Variants in PDE7B observed in about 807,000 individuals in gnomAD.
PDE7B encodes 3',5'-cyclic-AMP phosphodiesterase 7B.
PDE7B carries 29 observed loss-of-function variants against 56.2 expected under a neutral mutation model. The observed-to-expected ratio is 0.52, with a 90% confidence interval of 0.38 to 0.70. The LOEUF is 0.70. Among genes scored for constraint, PDE7B ranks in the 30% least tolerant of loss-of-function variants. The pLI is 0.00. For missense variants in PDE7B, 490 were observed against 565.0 expected (o/e 0.87, Z 1.35); for synonymous variants, 197 against 196.9 (o/e 1.00, Z 0.00).
At chr6:135,922,230 C>A (rs114502006) in intron 1 of PDE7B, among the ~76,000 whole-genome samples, 1 of 152,162 alleles carries the variant, frequency 6.6e-6, no homozygotes, top group African/African-American at 2.4e-5. Context: ...AAACACAAGC[C>A]CAGAGTGGCA....
intron 3 of PDE7B, among the ~76,000 whole-genome samples, chr6:136,143,561 G>C (rs1484967310): frequency 6.6e-6 from 1 of 151,810 alleles, no homozygotes; most frequent in East Asian, 1.9e-4. Flanking sequence ...GATCCAAAGA[G>C]GTCTGCATTC....
At position 136,181,188 on chromosome 6, in the gene PDE7B, C is replaced by G. The variant is rs369516075; in HGVS notation, c.949-39C>G. On this transcript the variant is annotated intron_variant, in intron 10 of 12. Transcript: ENST00000308191. ...TGGGGTGCTTTTGCAACTGAAAGAACATCCTCTCACAATTTCTCCCCGCCC... is the reference window on the plus strand; with the variant it reads ...TGGGGTGCTTTTGCAACTGAAAGAAGATCCTCTCACAATTTCTCCCCGCCC... 2.0e-6 allele frequency: 3 copies of G among 1,465,080 alleles called. No individual in the cohort carries two copies. The East Asian group carries it at 6.8e-5, about 33-fold the overall frequency. 90.8% of individuals were successfully genotyped at this position (1,465,080 alleles called of 1,614,324 possible). A position where few individuals can be genotyped will look rare whatever the true frequency, so the allele number is the denominator to read the frequency against.
intron 2 of PDE7B, among the ~76,000 whole-genome samples, chr6:135,986,942 G>A (rs1353758459): frequency 1.3e-5 from 2 of 152,170 alleles, no homozygotes; most frequent in African/African-American, 4.8e-5. Context: ...CCTGATTGTT[G>A]TTTGTACATT....
chr6:136,045,418 T>C, intron 2 of PDE7B, among the ~76,000 whole-genome samples: 1 of 152,216 alleles, frequency 6.6e-6, no homozygotes, highest in East Asian at 1.9e-4. Flanking sequence ...CCCCTTCTTC[T>C]AAGCACTTCT....
At chr6:136,132,933 C>T (rs566618538) in intron 3 of PDE7B, among the ~76,000 whole-genome samples, 6 of 152,192 alleles carry the variant, frequency 3.9e-5, no homozygotes, top group African/African-American at 9.6e-5. Flanking sequence ...CATAGAGCGC[C>T]GTGGGCACTA....
chr6:135,945,739 T>C (rs1381451042), intron 1 of PDE7B, among the ~76,000 whole-genome samples: 1 of 152,178 alleles, frequency 6.6e-6, no homozygotes, highest in Non-Finnish European at 1.5e-5. Context: ...TGAGTGAATG[T>C]AGCTCATCTT....
At chr6:136,016,876 T>C (rs1775986704) in intron 2 of PDE7B, among the ~76,000 whole-genome samples, 3 of 152,382 alleles carry the variant, frequency 2.0e-5, no homozygotes, top group Middle Eastern at 3.4e-3. Context: ...CCTATTTATT[T>C]ACAAGAATAA....
intron 1 of PDE7B, among the ~76,000 whole-genome samples, chr6:135,908,611 G>T (rs750937218): frequency 2.6e-5 from 4 of 152,120 alleles, no homozygotes; most frequent in Non-Finnish European, 4.4e-5. Context: ...TAAGTACATT[G>T]TATTATATTC....
At chr6:136,166,736 C>T in intron 8 of PDE7B, among the ~76,000 whole-genome samples, 1 of 152,140 alleles carries the variant, frequency 6.6e-6, no homozygotes, top group African/African-American at 2.4e-5. Context: ...TACAATTGAA[C>T]ATGAGATTTG....
At chr6:136,059,987 C>G (rs1479271823) in intron 2 of PDE7B, among the ~76,000 whole-genome samples, 1 of 152,090 alleles carries the variant, frequency 6.6e-6, no homozygotes, top group Non-Finnish European at 1.5e-5. Context: ...GAATTTTCAA[C>G]CCAGTTTGGA....
At chr6:135,915,847 G>GCTGAGATATTTCTCAGC (rs1773919855) in intron 1 of PDE7B, among the ~76,000 whole-genome samples, 1 of 152,182 alleles carries the variant, frequency 6.6e-6, no homozygotes, top group Non-Finnish European at 1.5e-5. Context: ...GCCTGATATA[G>GCTGAGATATTTCTCAGC]TCTGATGGTC....
intron 1 of PDE7B, among the ~76,000 whole-genome samples, chr6:135,932,094 A>G (rs1774304642): frequency 6.6e-6 from 1 of 152,120 alleles, no homozygotes; most frequent in East Asian, 1.9e-4. Context: ...AAAAAAATGT[A>G]AAGTAGAAAG....
rs552651640 is a variant in PDE7B, at chr6:136,013,003, G to A, written c.82+65479G>A. Among the ~76,000 whole-genome samples, 20 of 152,206 alleles carry A rather than the reference G, an allele frequency of 1.3e-4. No homozygotes were observed. In the South Asian group the frequency reaches 2.9e-3, roughly 22 times the overall value. ...ATCCAATATAACAAGACCACCAGAC[G>A]AAAGCTAATGGTTTACAGATGCAGG... On this transcript the variant is annotated intron_variant, in intron 2 of 12. Coordinates refer to ENST00000308191, the MANE Select transcript of PDE7B (RefSeq NM_018945.4).
chr6:136,079,951 T>A (rs1205050111), intron 2 of PDE7B, among the ~76,000 whole-genome samples: 2 of 151,492 alleles, frequency 1.3e-5, no homozygotes, highest in Admixed American at 6.6e-5. Flanking sequence ...ACTCCAAATA[T>A]CAGAAAATAA....
chr6:135,900,863 T>C (rs575924505), intron 1 of PDE7B, among the ~76,000 whole-genome samples: 4 of 152,154 alleles, frequency 2.6e-5, no homozygotes, highest in Non-Finnish European at 4.4e-5. Context: ...TAGCCCCCTG[T>C]CCAGTGTCTA....
intron 1 of PDE7B, among the ~76,000 whole-genome samples, chr6:135,885,596 T>G (rs2128189414): frequency 6.6e-6 from 1 of 152,280 alleles, no homozygotes; most frequent in Admixed American, 6.5e-5. Context: ...ATACACACAT[T>G]CTGCTATTAA....
At chr6:136,033,241 C>T (rs1344757481) in intron 2 of PDE7B, among the ~76,000 whole-genome samples, 1 of 152,222 alleles carries the variant, frequency 6.6e-6, no homozygotes, top group Non-Finnish European at 1.5e-5. Flanking sequence ...TTGTTCTCAA[C>T]CTTTTGTCTC....
intron 8 of PDE7B, 96 bp from the exon 9 acceptor site, chr6:136,173,701 G>C: frequency 1.2e-6 from 1 of 823,518 alleles, no homozygotes; most frequent in Non-Finnish European, 2.0e-6. Flanking sequence ...GTACAAACTG[G>C]AGGGAAAATG....
intron 11 of PDE7B, among the ~76,000 whole-genome samples, chr6:136,184,146 C>A (rs1159615211): frequency 6.6e-6 from 1 of 152,132 alleles, no homozygotes; most frequent in Non-Finnish European, 1.5e-5. Flanking sequence ...ATGAAGAATG[C>A]AAAGAACTAC....
Sources: gnomAD v4.1 joint callset for allele counts (sites outside exome capture counted in the v4.1 genomes callset) on GRCh38, gnomAD v4.1.1 for gene constraint, MANE v1.5 for transcripts, NCBI Gene and HGNC (gene_info 2026-07-23, HGNC 2026-07-21) for gene names.